The following PRIM2 variants were observed in gnomAD, a reference collection of about 807,000 sequenced individuals.
The protein encoded by PRIM2 is DNA primase large subunit.
A neutral mutation model predicts 67.3 loss-of-function variants in PRIM2; 39 were observed. The observed-to-expected ratio is 0.58, with a 90% confidence interval of 0.45 to 0.76. PRIM2 has a LOEUF of 0.76. Among genes scored for constraint, PRIM2 ranks in the 30% least tolerant of loss-of-function variants. The pLI, the probability that PRIM2 is intolerant of heterozygous loss-of-function variation, is 0.00. For missense variants in PRIM2, 398 were observed against 598.7 expected, an observed-to-expected ratio of 0.66 and a Z score of 3.50; for synonymous variants, 143 against 198.7, an observed-to-expected ratio of 0.72 and a Z score of 2.36.
At chr6:57,645,530 G>A in intron 13 of PRIM2, among the ~76,000 whole-genome samples, 1 of 151,044 alleles carries the variant, frequency 6.6e-6, no homozygotes, top group East Asian at 1.9e-4. Flanking sequence ...AGAGAAAGGT[G>A]TCTAGTATGC....
At chr6:57,446,786 C>T (rs1772382472) in intron 7 of PRIM2, among the ~76,000 whole-genome samples, 1 of 152,172 alleles carries the variant, frequency 6.6e-6, no homozygotes, top group East Asian at 1.9e-4. Flanking sequence ...GTCAGCTGGC[C>T]ATCTCCATCT....
At chr6:57,419,393 A>G (rs1337035967) in intron 7 of PRIM2, among the ~76,000 whole-genome samples, 1 of 152,172 alleles carries the variant, frequency 6.6e-6, no homozygotes, top group Non-Finnish European at 1.5e-5. Flanking sequence ...TACAGTGACA[A>G]AAGTTTCTTG....
rs34391240 is a variant in PRIM2, at chr6:57,466,174, C to G, written c.694-41213C>G. Among the ~76,000 whole-genome samples the G allele has an allele frequency of 8.7e-4, 132 of 152,142 alleles. 1 individual carries two copies. Among genetic ancestry groups the G allele is most frequent in the Non-Finnish European group, 2.5e-4 (17 of 68,016 alleles). On this transcript the variant is annotated intron_variant, in intron 7 of 13. Coordinates refer to ENST00000615550, the MANE Select transcript of PRIM2 (RefSeq NM_000947.5). ...ACTTATCCTTTTCTATGGCTGCATACTATTCCATGGTGTATATGTGCCACA... is the reference window on the plus strand; with the variant it reads ...ACTTATCCTTTTCTATGGCTGCATAGTATTCCATGGTGTATATGTGCCACA...
chr6:57,325,533 A>G (rs955157835), intron 4 of PRIM2, among the ~76,000 whole-genome samples: 1 of 152,276 alleles, frequency 6.6e-6, no homozygotes, highest in East Asian at 1.9e-4. Flanking sequence ...GGCTCGAGCA[A>G]TCTGCCTGCC....
At chr6:57,553,553 CTTTAAAGGTGGACTTATT>C (rs1385783699) in intron 10 of PRIM2, among the ~76,000 whole-genome samples, 85 of 152,176 alleles carry the variant, frequency 5.6e-4, no homozygotes, top group African/African-American at 1.9e-3. Flanking sequence ...TTTTTTCTGT[CTTTAAAGGTGGACTTATT>C]TTTAAAGGTG....
chr6:57,365,615 A>G (rs574862309), intron 5 of PRIM2, among the ~76,000 whole-genome samples: 1 of 152,172 alleles, frequency 6.6e-6, no homozygotes, highest in South Asian at 2.1e-4. Context: ...GTCACTTTCC[A>G]TAGTTTGTGT....
intron 12 of PRIM2, among the ~76,000 whole-genome samples, chr6:57,618,118 A>G (rs1490430281): frequency 1.2e-4 from 18 of 152,304 alleles, no homozygotes; most frequent in African/African-American, 4.3e-4. Context: ...GCCAGCCAGT[A>G]CCACACTGTT....
At chr6:57,312,694 T>C (rs950942785), upstream of PRIM2, among the ~76,000 whole-genome samples, 2 of 152,238 alleles carry the variant, frequency 1.3e-5, no homozygotes, top group Non-Finnish European at 2.9e-5. Flanking sequence ...TTCACATTAT[T>C]GTGCAACTAT....
At chr6:57,233,685 C>T in the PRIM2 span, among the ~76,000 whole-genome samples, 1 of 148,010 alleles carries the variant, frequency 6.8e-6, no homozygotes, top group African/African-American at 2.5e-5. Flanking sequence ...GGGCTCACTC[C>T]GTTGCCCAAG....
At chr6:57,375,988 C>T (rs1769749755) in intron 5 of PRIM2, among the ~76,000 whole-genome samples, 1 of 152,016 alleles carries the variant, frequency 6.6e-6, no homozygotes, top group Admixed American at 6.6e-5. Flanking sequence ...AGTAGGATCC[C>T]TTGAGCCCAG....
intron 10 of PRIM2, among the ~76,000 whole-genome samples, chr6:57,548,852 C>A (rs1376885327): frequency 1.3e-5 from 2 of 151,704 alleles, no homozygotes; most frequent in Non-Finnish European, 2.9e-5. Flanking sequence ...AAGGATTTGG[C>A]GTATTTAGGG....
chr6:57,414,823 T>A (rs1771205202), intron 7 of PRIM2, among the ~76,000 whole-genome samples: 2 of 152,180 alleles, frequency 1.3e-5, no homozygotes, highest in East Asian at 1.9e-4. Flanking sequence ...CTTTTATTTC[T>A]GTTTCTTTTA....
chr6:57,634,322 C>T (rs1464127395), intron 13 of PRIM2, among the ~76,000 whole-genome samples: 1 of 152,192 alleles, frequency 6.6e-6, no homozygotes, highest in Non-Finnish European at 1.5e-5. Flanking sequence ...GTTGTGGGTC[C>T]TGTCCTCATT....
intron 7 of PRIM2, among the ~76,000 whole-genome samples, chr6:57,484,560 T>A (rs1394131488): frequency 1.2e-3 from 180 of 152,340 alleles, no homozygotes; most frequent in African/African-American, 4.1e-3. Flanking sequence ...TTTCATTTTT[T>A]AAAACTAGGA....
At chr6:57,594,218 G>T (rs1776328105) in intron 10 of PRIM2, among the ~76,000 whole-genome samples, 1 of 152,074 alleles carries the variant, frequency 6.6e-6, no homozygotes, top group South Asian at 2.1e-4. Context: ...TTGTTTTTCT[G>T]GTTATTGGTT....
At chr6:57,545,588 G>A (rs1581982122) in intron 10 of PRIM2, among the ~76,000 whole-genome samples, 1 of 152,116 alleles carries the variant, frequency 6.6e-6, no homozygotes, top group East Asian at 1.9e-4. Flanking sequence ...GTGCCACCAG[G>A]CCCGGCTAAT....
At chr6:57,450,560 C>T (rs9370605) in intron 7 of PRIM2, among the ~76,000 whole-genome samples, 16 of 152,294 alleles carry the variant, frequency 1.1e-4, no homozygotes, top group Non-Finnish European at 1.9e-4. Context: ...TGCTCTTGAG[C>T]TTCTCAGTTT....
chr6:57,374,348 C>A (rs1261631237), intron 5 of PRIM2, among the ~76,000 whole-genome samples: 2 of 150,206 alleles, frequency 1.3e-5, no homozygotes, highest in African/African-American at 4.9e-5. Context: ...GGCTGGAGTG[C>A]AGTGGCGCGA....
chr6:57,641,495 C>T (rs1325632429), intron 13 of PRIM2, among the ~76,000 whole-genome samples: 19 of 152,128 alleles, frequency 1.2e-4, no homozygotes, highest in Non-Finnish European at 2.1e-4. Context: ...ATCCATCTGA[C>T]AAAGGGCTAA....
Sources: gnomAD v4.1 joint callset for allele counts (sites outside exome capture counted in the v4.1 genomes callset) on GRCh38, gnomAD v4.1.1 for gene constraint, MANE v1.5 for transcripts, NCBI Gene and HGNC (gene_info 2026-07-23, HGNC 2026-07-21) for gene names.